PIK3CD: variants seen among roughly 807,000 people sequenced by gnomAD.
PIK3CD encodes phosphatidylinositol-4,5-bisphosphate 3-kinase catalytic subunit delta.
A neutral mutation model predicts 122.9 loss-of-function variants in PIK3CD; 20 were observed. The observed-to-expected ratio is 0.16, with a 90% confidence interval of 0.11 to 0.24. PIK3CD has a LOEUF of 0.24. PIK3CD is among the 10% of genes least tolerant of loss of function. The probability of loss-of-function intolerance (pLI) is 1.00; values close to 1 mark genes in which losing one functional copy is unlikely to be tolerated. For synonymous variants in PIK3CD, 596 were observed against 593.4 expected (o/e 1.00, Z -0.06); for missense variants, 787 against 1,406.3 (o/e 0.56, Z 7.04).
chr1:9,700,715 G>GTCTTTAC lies in PIK3CD; in HGVS notation c.-33+9145_-33+9151dup, dbSNP rs1646595054. On this transcript the variant is annotated intron_variant, in intron 2 of 23. Coordinates refer to ENST00000377346, the MANE Select transcript of PIK3CD (RefSeq NM_005026.5). This position sits in a 1 kb window ranked among gnomAD's most constrained non-coding sequence, Gnocchi z 5.1. ...CCACCTGGGGAGTTTGCCCCTGGCG[G>GTCTTTAC]TCTTTACGTGGCTATTCATTAAGCA... Among the ~76,000 whole-genome samples the GTCTTTAC allele has an allele frequency of 6.6e-6, 1 of 152,120 alleles. No individual in the cohort carries two copies. The highest frequency in any genetic ancestry group is 6.6e-5 in the Admixed American group (1 of 15,264).
intron 1 of PIK3CD, among the ~76,000 whole-genome samples, chr1:9,665,406 G>A (rs1411130003): frequency 4.6e-5 from 7 of 150,726 alleles, no homozygotes; most frequent in South Asian, 4.3e-4. Context: ...GGCGCACGCC[G>A]CCATGCCCGG....
chr1:9,657,023 G>A (rs905715592), intron 1 of PIK3CD, among the ~76,000 whole-genome samples: 3 of 151,700 alleles, frequency 2.0e-5, no homozygotes, highest in Non-Finnish European at 4.4e-5. Context: ...GCAAGGCCTC[G>A]CTCCCTCTGG....
upstream of PIK3CD, among the ~76,000 whole-genome samples, chr1:9,649,037 G>A (rs1644632888): frequency 6.6e-6 from 1 of 152,146 alleles, no homozygotes; most frequent in Admixed American, 6.6e-5. Flanking sequence ...GGGAGGCCAA[G>A]GTGGCAGTGA....
intron 2 of PIK3CD, among the ~76,000 whole-genome samples, chr1:9,699,657 T>C (rs12028908): frequency 0.21 from 31,303 of 151,676 alleles, 4,446 homozygotes; most frequent in South Asian, 0.41. Context: ...AGTGCAATGG[T>C]GCAATCTTGG....
At chr1:9,708,720 G>A (rs940282539) in intron 2 of PIK3CD, among the ~76,000 whole-genome samples, 9 of 151,836 alleles carry the variant, frequency 5.9e-5, no homozygotes, top group African/African-American at 2.2e-4. Context: ...GTGGTGGCAG[G>A]CGCCTGTAAT....
intron 1 of PIK3CD, among the ~76,000 whole-genome samples, chr1:9,661,767 C>G (rs1049588717): frequency 6.6e-6 from 1 of 152,110 alleles, no homozygotes; most frequent in African/African-American, 2.4e-5. Flanking sequence ...GAGGCCGAGG[C>G]GGACGGATCA....
chr1:9,692,205 T>C (rs922844692), intron 2 of PIK3CD, among the ~76,000 whole-genome samples: 9 of 152,172 alleles, frequency 5.9e-5, no homozygotes, highest in African/African-American at 2.2e-4. Flanking sequence ...GGGAGCTCCA[T>C]GACTGCGAGA....
At chr1:9,673,261 T>A (rs1645390427) in intron 1 of PIK3CD, among the ~76,000 whole-genome samples, 1 of 151,980 alleles carries the variant, frequency 6.6e-6, no homozygotes, top group African/African-American at 2.4e-5. Flanking sequence ...CTAATTTTTT[T>A]ATTTTTTTAA....
At chr1:9,694,540 TAA>T (rs1420736805) in intron 2 of PIK3CD, among the ~76,000 whole-genome samples, 1 of 151,824 alleles carries the variant, frequency 6.6e-6, no homozygotes, top group African/African-American at 2.4e-5. Flanking sequence ...TCTCAAAAAA[TAA>T]AAGTCAGCTT....
Position 9,652,376 on chromosome 1 carries a change from C to G in PIK3CD, c.-138+574C>G, listed in dbSNP as rs1349733876. Among the ~76,000 whole-genome samples the G allele has an allele frequency of 6.6e-6, 1 of 152,130 alleles. No individual in the cohort carries two copies. Among genetic ancestry groups the G allele is most frequent in the East Asian group, 1.9e-4 (1 of 5,176 alleles). On this transcript the variant is annotated intron_variant, in intron 1 of 23. Coordinates refer to ENST00000377346, the MANE Select transcript of PIK3CD (RefSeq NM_005026.5). This position sits in a 1 kb window ranked among gnomAD's most constrained non-coding sequence, Gnocchi z 6.2. ...CTTCCCAGCCTGGGCAAGTGGGGAGCGGGGCTGCAGAGGGGCCGGGGTGGA... is the reference window on the plus strand; with the variant it reads ...CTTCCCAGCCTGGGCAAGTGGGGAGGGGGGCTGCAGAGGGGCCGGGGTGGA...
intron 1 of PIK3CD, chr1:9,653,824 C>T (rs1644753192): frequency 7.3e-7 from 1 of 1,367,566 alleles, no homozygotes; most frequent in African/African-American, 1.5e-5. Context: ...TGGTGAGAGG[C>T]CTGCTGGCGG....
the PIK3CD span, among the ~76,000 whole-genome samples, chr1:9,641,515 C>T: frequency 3.9e-5 from 6 of 152,154 alleles, no homozygotes; most frequent in Admixed American, 3.9e-4. Flanking sequence ...CCTAGGTAGC[C>T]TGGGTTTTGA....
chr1:9,628,338 C>T, the PIK3CD span, among the ~76,000 whole-genome samples: 1 of 152,190 alleles, frequency 6.6e-6, no homozygotes, highest in Non-Finnish European at 1.5e-5. Context: ...AGCGCAGAAA[C>T]ATCCAGTCTC....
intron 1 of PIK3CD, among the ~76,000 whole-genome samples, chr1:9,676,705 C>T (rs1270228565): frequency 2.0e-5 from 3 of 152,208 alleles, no homozygotes; most frequent in Non-Finnish European, 2.9e-5. Context: ...CTTCCTTCCC[C>T]GTCACCTCCT....
chr1:9,718,673 T>A lies in PIK3CD; in HGVS notation c.1021-21T>A. ...GGCTGGGCCTCTGCCTCCTCACCCA[T>A]CATCCCGGCACCTTCTACAGCTGGT... is the stretch of plus-strand genomic sequence containing the variant. On this transcript the variant is annotated intron_variant, in intron 8 of 23. Coordinates refer to ENST00000377346, the MANE Select transcript of PIK3CD (RefSeq NM_005026.5). The surrounding 1 kb of genome is among the most constrained non-coding windows in gnomAD (Gnocchi z 7.2). The A allele has an allele frequency of 1.3e-6, 2 of 1,597,606 alleles. No individual in the cohort carries two copies. Among genetic ancestry groups the A allele is most frequent in the Non-Finnish European group, 1.7e-6 (2 of 1,177,228 alleles).
At chr1:9,649,229 G>C (rs189060810), upstream of PIK3CD, among the ~76,000 whole-genome samples, 1 of 151,338 alleles carries the variant, frequency 6.6e-6, no homozygotes, top group Non-Finnish European at 1.5e-5. Context: ...CCTCTCTCTC[G>C]CTCTTTTTCT....
intron 1 of PIK3CD, among the ~76,000 whole-genome samples, chr1:9,670,421 C>T (rs1449715583): frequency 6.6e-6 from 1 of 152,150 alleles, no homozygotes; most frequent in African/African-American, 2.4e-5. Context: ...GTGAATGGCT[C>T]CATTTCTCCA....
rs764612143 is a variant in PIK3CD, at chr1:9,718,648, G to A, written c.1021-46G>A. The A allele has an allele frequency of 1.9e-6, 3 of 1,542,720 alleles. No homozygotes were observed. In the East Asian group the frequency reaches 6.7e-5, roughly 35 times the overall value. ...GACACCTTAAGGGGGAGGGGAGAGG[G>A]GCTGGGCCTCTGCCTCCTCACCCAT... On this transcript the variant is annotated intron_variant, in intron 8 of 23. Coordinates refer to ENST00000377346, the MANE Select transcript of PIK3CD (RefSeq NM_005026.5). The surrounding 1 kb of genome is among the most constrained non-coding windows in gnomAD (Gnocchi z 7.2).
intron 2 of PIK3CD, among the ~76,000 whole-genome samples, chr1:9,708,774 A>G (rs894240157): frequency 6.6e-6 from 1 of 151,986 alleles, no homozygotes; most frequent in Non-Finnish European, 1.5e-5. Flanking sequence ...GCTTGAGCCC[A>G]AGAGCTGAGA....
Sources: gnomAD v4.1 joint callset for allele counts (sites outside exome capture counted in the v4.1 genomes callset) on GRCh38, gnomAD v4.1.1 for gene constraint, Gnocchi (gnomAD v3.1) non-coding constraint, MANE v1.5 for transcripts, NCBI Gene and HGNC (gene_info 2026-07-23, HGNC 2026-07-21) for gene names.